The following LINC00305 variants were observed in gnomAD, a reference collection of about 807,000 sequenced individuals.
LINC00305 encodes long intergenic non-protein coding RNA 305.
At chr18:64,096,839 A>T (rs1447159654) in intron 3 of LINC00305, among the ~76,000 whole-genome samples, 1 of 151,992 alleles carries the variant, frequency 6.6e-6, no homozygotes, top group Non-Finnish European at 1.5e-5. Context: ...TCCCAAGTAA[A>T]TCTTGAATGC....
chr18:64,120,859 C>T (rs554922843), intron 1 of LINC00305, among the ~76,000 whole-genome samples: 14 of 152,188 alleles, frequency 9.2e-5, no homozygotes, highest in South Asian at 4.1e-4. Context: ...TTTCTGTGCA[C>T]GGTACAAAGC....
intron 1 of LINC00305, among the ~76,000 whole-genome samples, chr18:64,101,949 C>T (rs542173384): frequency 6.6e-6 from 1 of 152,216 alleles, no homozygotes; most frequent in East Asian, 1.9e-4. Flanking sequence ...TTTTTCCAGT[C>T]ATATTTTTAT....
At chr18:64,148,460 AGG>A in intron 1 of LINC00305, among the ~76,000 whole-genome samples, 1 of 151,974 alleles carries the variant, frequency 6.6e-6, no homozygotes. Context: ...TAAGCAAGCC[AGG>A]CTTGCAACTC....
intron 1 of LINC00305, chr18:64,127,340 C>G (rs2051389746): frequency 6.6e-6 from 1 of 152,060 alleles, no homozygotes; most frequent in Non-Finnish European, 1.5e-5. Flanking sequence ...TTATTAACCT[C>G]TCACAATAAT....
chr18:64,127,848 G>T (rs754952098), intron 1 of LINC00305, among the ~76,000 whole-genome samples: 1 of 152,140 alleles, frequency 6.6e-6, no homozygotes, highest in Admixed American at 6.6e-5. Context: ...TTCTCTCGTG[G>T]ATTACTCTAT....
intron 3 of LINC00305, among the ~76,000 whole-genome samples, chr18:64,081,567 T>C (rs1040945281): frequency 6.6e-6 from 1 of 152,198 alleles, no homozygotes; most frequent in Non-Finnish European, 1.5e-5. Flanking sequence ...AAAATAAATA[T>C]TTATTGTTAA....
chr18:64,100,727 C>T (rs756071997), intron 1 of LINC00305, among the ~76,000 whole-genome samples: 3 of 152,192 alleles, frequency 2.0e-5, no homozygotes, highest in Non-Finnish European at 4.4e-5. Flanking sequence ...TGAAAATCAG[C>T]ACTTGAGAGA....
exon 1 of LINC00305, chr18:64,148,952 C>T (rs922210): frequency 0.23 from 35,323 of 151,964 alleles, 4,325 homozygotes; most frequent in Non-Finnish European, 0.27. Context: ...AATTAACTCA[C>T]AAGAAAGGGA....
chr18:64,148,406 C>T (rs542388120), intron 1 of LINC00305, among the ~76,000 whole-genome samples: 8 of 7,946 alleles, frequency 1.0e-3, no homozygotes, highest in African/African-American at 1.5e-3. Context: ...AAGAAAAATG[C>T]ATTTTTTTTT....
intron 1 of LINC00305, among the ~76,000 whole-genome samples, chr18:64,135,267 T>G (rs987006579): frequency 3.9e-5 from 6 of 152,208 alleles, no homozygotes; most frequent in Admixed American, 1.3e-4. Flanking sequence ...GTGAAAACCC[T>G]GTCTCCAAAA....
At chr18:64,092,917 C>T (rs374617489) in intron 3 of LINC00305, among the ~76,000 whole-genome samples, 6 of 152,274 alleles carry the variant, frequency 3.9e-5, no homozygotes, top group Admixed American at 2.0e-4. Flanking sequence ...TTAACCACTC[C>T]TTCTGAACAA....
At chr18:64,092,010 G>A (rs546023881) in intron 3 of LINC00305, among the ~76,000 whole-genome samples, 2 of 152,250 alleles carry the variant, frequency 1.3e-5, no homozygotes, top group South Asian at 4.2e-4. Flanking sequence ...GGTGCACTGA[G>A]GTATGAGAAT....
intron 1 of LINC00305, among the ~76,000 whole-genome samples, chr18:64,134,317 A>G (rs2051423141): frequency 6.6e-6 from 1 of 152,252 alleles, no homozygotes; most frequent in African/African-American, 2.4e-5. Flanking sequence ...GGAAAACAGC[A>G]GGCAAATCAC....
At chr18:64,094,604 T>C (rs1480051106) in intron 3 of LINC00305, among the ~76,000 whole-genome samples, 1 of 152,144 alleles carries the variant, frequency 6.6e-6, no homozygotes, top group Non-Finnish European at 1.5e-5. Flanking sequence ...AGCTCACACC[T>C]GTAATCCCAG....
intron 1 of LINC00305, among the ~76,000 whole-genome samples, chr18:64,140,873 A>C (rs976953390): frequency 3.3e-5 from 5 of 152,072 alleles, no homozygotes; most frequent in Non-Finnish European, 7.4e-5. Flanking sequence ...AGATGTGACC[A>C]GGGAAGAAAG....
chr18:64,140,396 A>G (rs148717076), intron 1 of LINC00305, among the ~76,000 whole-genome samples: 103 of 152,142 alleles, frequency 6.8e-4, no homozygotes, highest in African/African-American at 2.3e-3. Flanking sequence ...TTTAGTTGAG[A>G]CAGGGTTTCA....
chr18:64,116,583 T>TC (rs1435511397), intron 1 of LINC00305, among the ~76,000 whole-genome samples: 2 of 152,360 alleles, frequency 1.3e-5, no homozygotes, highest in African/African-American at 4.8e-5. Context: ...TTCCTTTTTT[T>TC]CCGGCTTTAT....
intron 3 of LINC00305, among the ~76,000 whole-genome samples, chr18:64,094,745 C>G (rs1370007662): frequency 2.0e-5 from 3 of 152,020 alleles, no homozygotes; most frequent in Non-Finnish European, 4.4e-5. Flanking sequence ...TGCCTGTAAT[C>G]CCAGCTACTT....
At chr18:64,119,723 T>C (rs2051353337) in intron 1 of LINC00305, among the ~76,000 whole-genome samples, 1 of 152,132 alleles carries the variant, frequency 6.6e-6, no homozygotes, top group Non-Finnish European at 1.5e-5. Flanking sequence ...CTCTATGGTC[T>C]CCTCTTGCAG....
Sources: gnomAD v4.1 joint callset for allele counts (sites outside exome capture counted in the v4.1 genomes callset) on GRCh38, gnomAD v4.1.1 for gene constraint, MANE v1.5 for transcripts, NCBI Gene and HGNC (gene_info 2026-07-23, HGNC 2026-07-21) for gene names.